Variants in LYST observed in about 807,000 individuals in gnomAD.
The protein encoded by LYST is lysosomal trafficking regulator.
LYST carries 192 observed loss-of-function variants against 413.6 expected under a neutral mutation model. The ratio of observed to expected loss-of-function variants is 0.46; its 90% confidence interval spans 0.41 to 0.52. LYST has a LOEUF of 0.52. LYST is among the 20% of genes least tolerant of loss of function. The pLI, the probability that LYST is intolerant of heterozygous loss-of-function variation, is 0.00. For synonymous variants in LYST, 1,525 were observed against 1,567.3 expected (o/e 0.97, Z 0.64); for missense variants, 3,815 against 4,499.9 (o/e 0.85, Z 4.35).
At position 235,697,271 on chromosome 1, in the gene LYST, C is replaced by A. The variant is rs1189666819; in HGVS notation, c.10376G>T (p.Ser3459Ile). 1 of 1,611,408 alleles carries A rather than the reference C, an allele frequency of 6.2e-7. No individual in the cohort carries two copies. The highest frequency in any genetic ancestry group is 8.5e-7 in the Non-Finnish European group (1 of 1,178,112). Residue 3459 changes from serine (S) to isoleucine (I), a missense_variant and splice_region_variant, in exon 46 of 53, where the codon AGT becomes ATT. Coordinates refer to ENST00000389793, the MANE Select transcript of LYST (RefSeq NM_000081.4). The part of the protein sequence containing the change: ...REQVKEITYP[S>I]PLSWIKGLKW... ...CAAGCCTTTTATCCATGACAAAGGA[C>A]TCTAAAATGAAGAAAAATAAAAAGT...
At chr1:235,718,001 C>G (rs1662998447) in intron 40 of LYST, among the ~76,000 whole-genome samples, 1 of 151,382 alleles carries the variant, frequency 6.6e-6, no homozygotes. Context: ...GTAGCTGGGA[C>G]TACAGGCATG....
chr1:235,738,476 T>C (rs1572109760), intron 31 of LYST: 9 of 1,612,480 alleles, frequency 5.6e-6, no homozygotes, highest in Non-Finnish European at 7.6e-6. Context: ...ACCATGTTAT[T>C]GGAAGTGGTT....
intron 1 of LYST, among the ~76,000 whole-genome samples, chr1:235,853,478 T>C (rs1008838218): frequency 6.6e-6 from 1 of 150,952 alleles, no homozygotes; most frequent in Non-Finnish European, 1.5e-5. Context: ...TTATGTAGAA[T>C]TGTGTAAAGA....
intron 3 of LYST, among the ~76,000 whole-genome samples, chr1:235,824,632 T>C (rs1675126962): frequency 6.6e-6 from 1 of 152,228 alleles, no homozygotes; most frequent in Non-Finnish European, 1.5e-5. Context: ...GTTTTTGATA[T>C]TTAAAAAGAG....
intron 44 of LYST, among the ~76,000 whole-genome samples, chr1:235,707,438 A>C (rs926011427): frequency 1.3e-5 from 2 of 152,096 alleles, no homozygotes; most frequent in African/African-American, 4.8e-5. Context: ...AGTCTGGCCA[A>C]GATGGTGAAA....
intron 48 of LYST, among the ~76,000 whole-genome samples, chr1:235,679,109 C>G (rs922154138): frequency 2.8e-4 from 43 of 152,306 alleles, no homozygotes; most frequent in African/African-American, 9.9e-4. Context: ...CTGGCTTGAG[C>G]TGTGTAGCAA....
chr1:235,710,660 T>C (rs774508656), intron 43 of LYST, among the ~76,000 whole-genome samples: 5 of 152,206 alleles, frequency 3.3e-5, no homozygotes, highest in Non-Finnish European at 4.4e-5. Context: ...CTACTCTCCA[T>C]CACAAGGCAA....
chr1:235,759,650 C>A, intron 22 of LYST, 51 bp from the exon 23 acceptor site: 1 of 1,358,218 alleles, frequency 7.4e-7, no homozygotes, highest in South Asian at 1.2e-5. Context: ...TAAGTGGAAC[C>A]ACCTCTCTTT....
intron 1 of LYST, among the ~76,000 whole-genome samples, chr1:235,878,917 G>A (rs761069195): frequency 1.3e-5 from 2 of 152,206 alleles, no homozygotes; most frequent in African/African-American, 4.8e-5. Flanking sequence ...AGGGGTGCAA[G>A]TGCAATTGTA....
intron 3 of LYST, chr1:235,828,181 T>C (rs1207566226): frequency 1.0e-6 from 1 of 955,530 alleles, no homozygotes; most frequent in East Asian, 1.1e-4. Flanking sequence ...CATTTAGTAA[T>C]ACATTAAAAG....
At chr1:235,734,960 G>T (rs1037463794) in intron 31 of LYST, 1 of 189,510 alleles carries the variant, frequency 5.3e-6, no homozygotes, top group Non-Finnish European at 1.1e-5. Context: ...AAATAGTTCA[G>T]AAAAAGAAGA....
chr1:235,797,993 A>C (rs1322856468), intron 10 of LYST, among the ~76,000 whole-genome samples: 1 of 152,216 alleles, frequency 6.6e-6, no homozygotes, highest in Non-Finnish European at 1.5e-5. Flanking sequence ...CAAACAAGAT[A>C]TACGAATGGC....
chr1:235,691,156 G>A (rs1410523747), intron 47 of LYST, among the ~76,000 whole-genome samples: 4 of 152,122 alleles, frequency 2.6e-5, no homozygotes, highest in African/African-American at 9.7e-5. Context: ...CTGACCTTGT[G>A]ATCCGCCCGC....
rs768974637 is a variant in LYST at position 235,731,098 on chromosome 1, G to A, written c.8881C>T (p.Arg2961Cys). ...PTEGPNRERR[R>C]LQRCYLTIPN... ...ATAGTTAAATAACATCTCTGTAAAC[G>A]TCTCCTCTCTCGATTTGGCCCTTCT... Residue 2961 changes from arginine (R) to cysteine (C), a missense_variant, in exon 35 of 53, where the codon CGT becomes TGT. Arg to Cys is a radical substitution (Grantham distance 180, BLOSUM62 -3). Transcript: ENST00000389793. The A allele has an allele frequency of 1.9e-6, 3 of 1,613,286 alleles. No homozygotes were observed. The highest frequency in any genetic ancestry group is 1.1e-5 in the South Asian group (1 of 91,066).
At chr1:235,769,104 T>C (rs1284913847) in intron 20 of LYST, among the ~76,000 whole-genome samples, 2 of 152,100 alleles carry the variant, frequency 1.3e-5, no homozygotes, top group East Asian at 3.9e-4. Flanking sequence ...ACTAACAAAC[T>C]GTATGTACAT....
intron 1 of LYST, among the ~76,000 whole-genome samples, chr1:235,850,507 A>G (rs1678399430): frequency 6.6e-6 from 1 of 152,224 alleles, no homozygotes; most frequent in African/African-American, 2.4e-5. Context: ...TAAATGCAAT[A>G]ACAACAAAGA....
intron 23 of LYST, 108 bp downstream of exon 23, chr1:235,758,864 T>A: frequency 1.1e-6 from 1 of 913,696 alleles, no homozygotes; most frequent in South Asian, 1.4e-5. Flanking sequence ...TAAACTTTTC[T>A]GTTTGTTGTA....
chr1:235,874,532 A>G (rs2103233133), intron 1 of LYST, among the ~76,000 whole-genome samples: 1 of 152,322 alleles, frequency 6.6e-6, no homozygotes, highest in South Asian at 2.1e-4. Context: ...GGCTTTGAGC[A>G]GGCCAGTTTT....
chr1:235,738,082 T>C (rs1021542732), intron 31 of LYST: 15 of 1,602,958 alleles, frequency 9.4e-6, no homozygotes, highest in African/African-American at 5.4e-5. Flanking sequence ...GTTGTTGGGG[T>C]TGGTGCTCTT....
Sources: gnomAD v4.1 joint callset for allele counts (sites outside exome capture counted in the v4.1 genomes callset) on GRCh38, gnomAD v4.1.1 for gene constraint, MANE v1.5 for transcripts, NCBI Gene and HGNC (gene_info 2026-07-23, HGNC 2026-07-21) for gene names.